The following ALLC variants were observed in gnomAD, a reference collection of about 807,000 sequenced individuals.
The protein encoded by ALLC is probable inactive allantoicase.
A neutral mutation model predicts 45.0 loss-of-function variants in ALLC; 40 were observed. That is an observed-to-expected ratio of 0.89 (90% CI 0.69 to 1.16). The LOEUF is 1.16. ALLC is among the 50% of genes most tolerant of loss of function. The pLI is 0.00. For synonymous variants in ALLC, 176 were observed against 178.1 expected (o/e 0.99, Z 0.09); for missense variants, 488 against 493.1 (o/e 0.99, Z 0.10).
chr2:3,678,152 C>T (rs1172709838), intron 3 of ALLC, among the ~76,000 whole-genome samples: 1 of 152,204 alleles, frequency 6.6e-6, no homozygotes, highest in Non-Finnish European at 1.5e-5. Context: ...ACTTTAATAC[C>T]CATGTAGGTT....
chr2:3,650,837 C>G, the ALLC span, among the ~76,000 whole-genome samples: 4 of 152,200 alleles, frequency 2.6e-5, no homozygotes, highest in Admixed American at 2.6e-4. Flanking sequence ...CGCACGGGGC[C>G]TTTCTTTGTA....
intron 7 of ALLC, among the ~76,000 whole-genome samples, chr2:3,690,251 TCCCTTCCCTTCCCTCCCCCCTCCCCTCC>T (rs1667441552): frequency 4.2e-5 from 1 of 23,968 alleles, no homozygotes; most frequent in Non-Finnish European, 8.1e-5. Context: ...CCCCTCCCCT[TCCCTTCCCTTCCCTCCCCCCTCCCCTCC>T]CCCTCCCCCT....
intron 1 of ALLC, among the ~76,000 whole-genome samples, chr2:3,665,888 G>T (rs1666692275): frequency 6.6e-6 from 1 of 152,200 alleles, no homozygotes; most frequent in Admixed American, 6.5e-5. Flanking sequence ...GAGCTTCAGT[G>T]GGGTGGGGCT....
rs527631944 is a variant in ALLC, at chr2:3,679,733, C to T, written c.173-136C>T. 7.7e-5 allele frequency: 91 copies of T among 1,179,776 alleles called. 1 individual carries two copies. The highest frequency in any genetic ancestry group is 4.9e-4 in the South Asian group (36 of 72,880). The allele number at this position is 1,179,776 out of a possible 1,614,324, so 73.1% of individuals were successfully genotyped here. A position where few individuals can be genotyped will look rare whatever the true frequency, so the allele number is the denominator to read the frequency against. On this transcript the variant is annotated intron_variant, in intron 4 of 11. Transcript: ENST00000252505. ...TCCTACAGTCATATTAGCTAAGAAC[C>T]GCCCTGAACAGTTTTTTCTGTGATG...
intron 9 of ALLC, among the ~76,000 whole-genome samples, chr2:3,696,779 C>T (rs2148021460): frequency 6.6e-6 from 1 of 152,230 alleles, no homozygotes; most frequent in Non-Finnish European, 1.5e-5. Context: ...TTTAATTTGG[C>T]CAGTAACTAA....
At chr2:3,696,762 G>A (rs1209460930) in intron 9 of ALLC, among the ~76,000 whole-genome samples, 1 of 152,194 alleles carries the variant, frequency 6.6e-6, no homozygotes, top group Non-Finnish European at 1.5e-5. Flanking sequence ...TAGAGTCCAT[G>A]CAGCTGTTTA....
chr2:3,671,991 AT>A (rs1488891260), intron 2 of ALLC, among the ~76,000 whole-genome samples: 2 of 108,632 alleles, frequency 1.8e-5, no homozygotes, highest in African/African-American at 8.8e-5. Context: ...CTCTATTTAG[AT>A]CCGAGGTCCT....
chr2:3,668,016 C>T (rs577824971), intron 1 of ALLC, among the ~76,000 whole-genome samples: 6 of 152,288 alleles, frequency 3.9e-5, no homozygotes, highest in East Asian at 3.9e-4. Flanking sequence ...CTGCCCGCCT[C>T]GGCCTCCCAA....
chr2:3,702,407 G>T lies in ALLC; in HGVS notation c.1020G>T (p.Glu340Asp), dbSNP rs201981665. The T allele has an allele frequency of 7.4e-5, 120 of 1,613,248 alleles. No individual in the cohort carries two copies. Among genetic ancestry groups the T allele is most frequent in the Non-Finnish European group, 9.6e-5 (113 of 1,179,814 alleles). Residue 340 changes from glutamate to aspartate, a missense_variant, in exon 12 of 12, where the codon GAG (glutamate) becomes GAT (aspartate). Glu to Asp is a conservative substitution (Grantham distance 45, BLOSUM62 2). Transcript: ENST00000252505. ...ATCTGTTCGATAGCCTGACCCTAGA[G>T]CTCCAAGATGTCATCACTCACGCCA... The part of the protein sequence containing the change: ...QSHLFDSLTL[E>D]LQDVITHARL...
At chr2:3,697,613 G>GTCTA (rs767361629) in intron 10 of ALLC, among the ~76,000 whole-genome samples, 157 bp downstream of exon 10, 2 of 105,518 alleles carry the variant, frequency 1.9e-5, no homozygotes, top group Non-Finnish European at 4.3e-5. Context: ...TTAGAACTCT[G>GTCTA]TCTGTCTGTC....
intron 2 of ALLC, among the ~76,000 whole-genome samples, chr2:3,672,599 C>G (rs1165600276): frequency 7.6e-6 from 1 of 131,584 alleles, no homozygotes; most frequent in Non-Finnish European, 1.6e-5. Flanking sequence ...ATGGGAGGTC[C>G]TCTGGTTCTG....
chr2:3,650,610 G>C, the ALLC span, among the ~76,000 whole-genome samples: 1 of 152,204 alleles, frequency 6.6e-6, no homozygotes, highest in East Asian at 1.9e-4. Flanking sequence ...GGTCAGCAGT[G>C]CGTGCACCTC....
At chr2:3,646,944 A>G in the ALLC span, among the ~76,000 whole-genome samples, 1 of 81,704 alleles carries the variant, frequency 1.2e-5, no homozygotes, top group South Asian at 4.5e-4. Flanking sequence ...GAGGGTTGTC[A>G]CTGAGCAGGT....
upstream of ALLC, among the ~76,000 whole-genome samples, chr2:3,657,227 C>T (rs544543991): frequency 2.8e-4 from 38 of 136,932 alleles, no homozygotes; most frequent in African/African-American, 1.3e-3. Context: ...GGCTGAGAGA[C>T]GGGCTGGGGT....
At chr2:3,682,892 A>T (rs1667230987) in intron 6 of ALLC, 50 bp from the exon 7 acceptor site, 4 of 1,596,938 alleles carry the variant, frequency 2.5e-6, no homozygotes, top group Non-Finnish European at 3.4e-6. Flanking sequence ...AGGATGACAG[A>T]ATTTATTGTT....
At chr2:3,692,875 A>G (rs1667559537) in intron 7 of ALLC, among the ~76,000 whole-genome samples, 2 of 152,088 alleles carry the variant, frequency 1.3e-5, no homozygotes, top group African/African-American at 2.4e-5. Context: ...ACCCTGTCCC[A>G]TGAGTCAGGG....
chr2:3,696,140 A>C (rs1667664874), intron 8 of ALLC, 135 bp from the exon 9 acceptor site: 1 of 875,496 alleles, frequency 1.1e-6, no homozygotes, highest in East Asian at 2.8e-5. Context: ...GAATTTACTG[A>C]AACATTAACT....
intron 2 of ALLC, among the ~76,000 whole-genome samples, chr2:3,671,595 AGTTAGATGGGAGGTC>A (rs1666871684): frequency 1.2e-5 from 1 of 84,008 alleles, no homozygotes; most frequent in African/African-American, 5.2e-5. Flanking sequence ...CTCTGGCTCT[AGTTAGATGGGAGGTC>A]CTCTGGCTCT....
At position 3,695,880 on chromosome 2, in the gene ALLC, G is replaced by A. The variant is rs202109096; in HGVS notation, c.667+8G>A. 1.4e-5 allele frequency: 23 copies of A among 1,596,646 alleles called. No homozygotes were observed. Among genetic ancestry groups the A allele is most frequent in the African/African-American group, 2.7e-5 (2 of 74,006 alleles). Reference sequence around the variant, plus strand: ...ACCCAAACAATATAATAGGTAAGATGATATTCTTGGAGCTGGCTTATTTAG... The same window carrying A: ...ACCCAAACAATATAATAGGTAAGATAATATTCTTGGAGCTGGCTTATTTAG... On this transcript the variant is annotated splice_region_variant and intron_variant, in intron 8 of 11. Transcript: ENST00000252505.
Sources: allele counts gnomAD v4.1 joint callset (sites outside exome capture counted in the v4.1 genomes callset), GRCh38; gene constraint gnomAD v4.1.1; transcripts MANE v1.5; gene names NCBI Gene and HGNC (gene_info 2026-07-23, HGNC 2026-07-21).